Variants in PRKACB observed in about 807,000 individuals in gnomAD.
The protein encoded by PRKACB is cAMP-dependent protein kinase catalytic subunit beta.
A neutral mutation model predicts 51.4 loss-of-function variants in PRKACB; 16 were observed. The ratio of observed to expected loss-of-function variants is 0.31; its 90% CI spans 0.21 to 0.47. The LOEUF (loss-of-function observed/expected upper bound fraction) is 0.47. PRKACB is among the 20% of genes least tolerant of loss of function. PRKACB has a pLI of 1.00. For missense variants in PRKACB, 309 were observed against 464.5 expected (o/e 0.67, Z 3.08); for synonymous variants, 147 against 154.4 (o/e 0.95, Z 0.35).
Position 84,235,497 on chromosome 1 carries a change from C to T in PRKACB, c.*192C>T. 1 of 648,218 alleles carries T rather than the reference C, an allele frequency of 1.5e-6. No individual in the cohort carries two copies. The highest frequency in any genetic ancestry group is 1.8e-5 in the African/African-American group (1 of 54,542). The allele number at this position is 648,218 out of a possible 1,614,324, so 40.2% of individuals were successfully genotyped here. ...ATGTAACAAGGCACCGCTAAGCAAGCATTGTCTGTGCCATAACACAGTACT... is the reference window on the plus strand; with the variant it reads ...ATGTAACAAGGCACCGCTAAGCAAGTATTGTCTGTGCCATAACACAGTACT... On this transcript the variant is annotated 3_prime_UTR_variant, in exon 10 of 10. Coordinates refer to ENST00000370685, the MANE Select transcript of PRKACB (RefSeq NM_182948.4).
At position 84,196,697 on chromosome 1, in the gene PRKACB, T is replaced by C. The variant is rs775811475; in HGVS notation, c.642T>C (p.Asp214=). The C allele has an allele frequency of 1.1e-5, 17 of 1,613,264 alleles. No homozygotes were observed. The highest frequency in any genetic ancestry group is 1.4e-5 in the Non-Finnish European group (16 of 1,179,402). Residue 214 remains aspartate, a synonymous_variant, in exon 6 of 10, where the codon GAT becomes GAC. Transcript: ENST00000370685. ...YLHSLDLIYR[D]LKPENLLIDH... is the part of the protein sequence containing the mutation. Reference sequence around the variant, plus strand: ...ATTCACTAGACCTCATCTACAGAGATCTAAAACCTGAAAATCTCTTAATTG... The same window carrying C: ...ATTCACTAGACCTCATCTACAGAGACCTAAAACCTGAAAATCTCTTAATTG...
chr1:84,216,050 C>T (rs534170415), intron 9 of PRKACB, among the ~76,000 whole-genome samples: 1 of 151,908 alleles, frequency 6.6e-6, no homozygotes, highest in African/African-American at 2.4e-5. Flanking sequence ...ATTACAGTAA[C>T]AAGCTGGGTG....
At chr1:84,174,960 C>A (rs377320396) in intron 1 of PRKACB, 1 of 1,319,428 alleles carries the variant, frequency 7.6e-7, no homozygotes, top group Non-Finnish European at 1.0e-6. Context: ...TGAAAAAATG[C>A]GTATTGGTGA....
chr1:84,105,544 TTTA>T (rs1033172752), intron 1 of PRKACB, among the ~76,000 whole-genome samples: 4 of 3,178 alleles, frequency 1.3e-3, no homozygotes, highest in African/African-American at 1.8e-3. Flanking sequence ...ACTGTTAGCA[TTTA>T]TTTATTTATT....
At chr1:84,136,538 G>A (rs141351748) in intron 1 of PRKACB, among the ~76,000 whole-genome samples, 1 of 131,368 alleles carries the variant, frequency 7.6e-6, no homozygotes, top group Non-Finnish European at 1.7e-5. Flanking sequence ...ACTGCCGATT[G>A]GTGACAAAGA....
At chr1:84,115,124 A>T (rs1315413557) in intron 1 of PRKACB, among the ~76,000 whole-genome samples, 1 of 151,776 alleles carries the variant, frequency 6.6e-6, no homozygotes, top group African/African-American at 2.4e-5. Context: ...CATTTTCCAT[A>T]GTGGCAGTAC....
chr1:84,177,509 G>T (rs932438547), intron 1 of PRKACB, among the ~76,000 whole-genome samples: 1 of 152,058 alleles, frequency 6.6e-6, no homozygotes, highest in Non-Finnish European at 1.5e-5. Flanking sequence ...GGGAGGCTGA[G>T]CCAGAAAGTT....
chr1:84,150,022 T>C (rs561557427), intron 1 of PRKACB, among the ~76,000 whole-genome samples: 2 of 152,310 alleles, frequency 1.3e-5, no homozygotes, highest in South Asian at 4.1e-4. Flanking sequence ...CCCAGCACTT[T>C]GGGAGGCTGA....
At chr1:84,196,579 AT>A in intron 5 of PRKACB, 36 bp from the exon 6 acceptor site, 1 of 1,595,376 alleles carries the variant, frequency 6.3e-7, no homozygotes, top group Non-Finnish European at 8.5e-7. Context: ...GTATTAACTC[AT>A]TTTTACAGAA....
chr1:84,205,063 C>T (rs540545145), intron 8 of PRKACB: 7 of 982,232 alleles, frequency 7.1e-6, no homozygotes, highest in East Asian at 1.1e-4. Context: ...TTCTGTTTTC[C>T]CCTTCATTTA....
At chr1:84,139,227 T>G (rs1653141074) in intron 1 of PRKACB, among the ~76,000 whole-genome samples, 1 of 152,134 alleles carries the variant, frequency 6.6e-6, no homozygotes, top group South Asian at 2.1e-4. Flanking sequence ...GCATACAGAT[T>G]AGAAATAAAT....
At chr1:84,198,882 GTA>G (rs1215664530) in intron 7 of PRKACB, among the ~76,000 whole-genome samples, 4 of 147,652 alleles carry the variant, frequency 2.7e-5, no homozygotes, top group Non-Finnish European at 6.0e-5. Context: ...ACATATATGT[GTA>G]TATATGTGTA....
intron 8 of PRKACB, among the ~76,000 whole-genome samples, chr1:84,210,476 T>C (rs1452357165): frequency 6.6e-6 from 1 of 152,128 alleles, no homozygotes; most frequent in Non-Finnish European, 1.5e-5. Context: ...AGAAAGCTCA[T>C]AGGTATATGT....
upstream of PRKACB, chr1:84,078,098 T>TCGCCGCCGCCGC (rs555766497): frequency 6.0e-5 from 25 of 419,586 alleles, no homozygotes; most frequent in East Asian, 7.0e-4. Context: ...GCCACCGCCG[T>TCGCCGCCGCCGC]CGCCGCCGCC....
intron 5 of PRKACB, among the ~76,000 whole-genome samples, chr1:84,186,416 A>G (rs1665126415): frequency 6.6e-6 from 1 of 151,766 alleles, no homozygotes; most frequent in Non-Finnish European, 1.5e-5. Context: ...ACAGGTTTTC[A>G]CCGTGTTGGC....
chr1:84,094,206 G>T (rs75629026), intron 1 of PRKACB, among the ~76,000 whole-genome samples: 19,144 of 151,798 alleles, frequency 0.13, 1,595 homozygotes, highest in Non-Finnish European at 0.19. Flanking sequence ...TTGGAACCAG[G>T]CAGAAAATTT....
At position 84,200,141 on chromosome 1, in the gene PRKACB, C is replaced by T. The variant is rs568754142; in HGVS notation, c.783+2317C>T. 2.9e-5 allele frequency among the ~76,000 whole-genome samples: 3 copies of T among 103,536 alleles called. No homozygotes were observed. In the South Asian group the frequency reaches 1.1e-3, roughly 38 times the overall value. 67.9% of individuals were successfully genotyped at this position (103,536 alleles called of 152,430 possible). On this transcript the variant is annotated intron_variant, in intron 7 of 9. Coordinates refer to ENST00000370685, the MANE Select transcript of PRKACB (RefSeq NM_182948.4). ...GGATTACAGGGGTGAGCCACTATGC[C>T]CTTCCATTTTTTTACTTTTTAGTAA...
At chr1:84,124,956 G>A (rs1651441691) in intron 1 of PRKACB, among the ~76,000 whole-genome samples, 1 of 152,086 alleles carries the variant, frequency 6.6e-6, no homozygotes, top group Non-Finnish European at 1.5e-5. Flanking sequence ...TAGTACTCTG[G>A]AAATAGAATC....
At chr1:84,152,017 C>T (rs1260255778) in intron 1 of PRKACB, among the ~76,000 whole-genome samples, 1 of 152,174 alleles carries the variant, frequency 6.6e-6, no homozygotes, top group Non-Finnish European at 1.5e-5. Flanking sequence ...CTATCTGTGA[C>T]ACCTTTAGCC....
Sources: gnomAD v4.1 joint callset for allele counts (sites outside exome capture counted in the v4.1 genomes callset) on GRCh38, gnomAD v4.1.1 for gene constraint, MANE v1.5 for transcripts, NCBI Gene and HGNC (gene_info 2026-07-23, HGNC 2026-07-21) for gene names.